BAIAP2: variants seen among roughly 807,000 people sequenced by gnomAD.
The protein encoded by BAIAP2 is BAR/IMD domain containing adaptor protein 2, also known as BAR/IMD domain-containing adapter protein 2.
Under a neutral mutation model 63.0 loss-of-function variants are expected in BAIAP2, and 18 were observed. That is an observed-to-expected ratio of 0.29 (90% CI 0.20 to 0.42). The LOEUF (loss-of-function observed/expected upper bound fraction) is 0.42, where lower values mean the gene tolerates loss of function less well. Among genes scored for constraint, BAIAP2 ranks in the 10% least tolerant of loss-of-function variants. BAIAP2 has a pLI of 1.00. For missense variants in BAIAP2, 610 were observed against 734.3 expected, an observed-to-expected ratio of 0.83 and a Z score of 1.96; for synonymous variants, 386 against 307.6, an observed-to-expected ratio of 1.25 and a Z score of -2.67.
At chr17:81,103,444 C>A in intron 7 of BAIAP2, 58 bp from the exon 8 acceptor site, 6 of 1,487,268 alleles carry the variant, frequency 4.0e-6, no homozygotes, top group Non-Finnish European at 5.4e-6. Flanking sequence ...AGCGCTGTGC[C>A]TGGCTGCAGG....
chr17:81,081,007 G>A (rs1276446629), intron 3 of BAIAP2, among the ~76,000 whole-genome samples: 1 of 152,218 alleles, frequency 6.6e-6, no homozygotes, highest in East Asian at 1.9e-4. Context: ...ACACTCCGGG[G>A]CTGAGGGAGC....
chr17:81,085,780 C>A, intron 5 of BAIAP2, 55 bp downstream of exon 5: 1 of 1,390,640 alleles, frequency 7.2e-7, no homozygotes, highest in Non-Finnish European at 1.0e-6. Context: ...CCGGCTCTCC[C>A]AAATGCCTGC....
intron 13 of BAIAP2, chr17:81,111,062 A>G (rs1598849706): frequency 5.0e-6 from 7 of 1,406,598 alleles, no homozygotes; most frequent in East Asian, 2.3e-5. Flanking sequence ...GCCCGGCTGC[A>G]TGGCGGGGCC....
rs111487181 is a variant in BAIAP2, at chr17:81,099,883, C to T, written c.490-45C>T. The T allele has an allele frequency of 4.7e-3, 7,432 of 1,597,862 alleles. 33 individuals are homozygous for T. The highest frequency in any genetic ancestry group is 5.8e-3 in the Non-Finnish European group (6,768 of 1,169,454). On this transcript the variant is annotated intron_variant, in intron 6 of 13. Transcript: ENST00000428708. Reference sequence around the variant, plus strand: ...GCTGCCCCAAACCGGTCCTGACAGGCGTCCTTCCATCGCTGGCTGAGCCTT... The same window carrying T: ...GCTGCCCCAAACCGGTCCTGACAGGTGTCCTTCCATCGCTGGCTGAGCCTT...
At chr17:81,071,948 C>CT (rs1454515371) in intron 3 of BAIAP2, among the ~76,000 whole-genome samples, 15 of 152,266 alleles carry the variant, frequency 9.9e-5, no homozygotes, top group African/African-American at 3.6e-4. Context: ...GTTCCATTTC[C>CT]TTGCTGCCTC....
At chr17:81,069,478 C>T (rs923315722) in intron 3 of BAIAP2, among the ~76,000 whole-genome samples, 1 of 152,130 alleles carries the variant, frequency 6.6e-6, no homozygotes, top group Non-Finnish European at 1.5e-5. Context: ...CTGAACTGCC[C>T]ACCTGGCTTC....
At chr17:81,045,951 C>T (rs2047740372) in intron 1 of BAIAP2, among the ~76,000 whole-genome samples, 1 of 152,192 alleles carries the variant, frequency 6.6e-6, no homozygotes, top group Non-Finnish European at 1.5e-5. Context: ...GAGGTGCCTG[C>T]TTCCTGACAC....
At chr17:81,096,966 AAGGAGAAAGGAGAGGAGGAGGAGG>A (rs893047695) in intron 6 of BAIAP2, among the ~76,000 whole-genome samples, 6 of 151,952 alleles carry the variant, frequency 3.9e-5, no homozygotes, top group Admixed American at 1.3e-4. Flanking sequence ...GGAGGAGAAG[AAGGAGAAAGGAGAGGAGGAGGAGG>A]AGGAGGCAGC....
chr17:81,073,043 C>A (rs1279482485), intron 3 of BAIAP2, among the ~76,000 whole-genome samples: 3 of 152,054 alleles, frequency 2.0e-5, no homozygotes, highest in Non-Finnish European at 4.4e-5. Context: ...TGACCCCCAG[C>A]CAGCAGACAG....
chr17:81,081,947 G>A (rs547306991), intron 3 of BAIAP2, among the ~76,000 whole-genome samples: 4 of 152,280 alleles, frequency 2.6e-5, no homozygotes, highest in South Asian at 2.1e-4. Context: ...AGGCCCCTGG[G>A]CCAGGGCTGG....
chr17:81,050,551 A>G (rs558149470), intron 1 of BAIAP2, among the ~76,000 whole-genome samples: 68 of 152,190 alleles, frequency 4.5e-4, no homozygotes, highest in Non-Finnish European at 7.6e-4. Context: ...GCTCAGGTTG[A>G]GCCTCTTCCA....
rs560239200 is a variant in BAIAP2 at position 81,056,125 on chromosome 17, C to T, written c.131-1756C>T. ...GAAATGTTGACGCTGGAGAGAGGCT[C>T]CCGAATCAGAGTAGGAAGGCTGAGG... On this transcript the variant is annotated intron_variant, in intron 2 of 13. Coordinates refer to ENST00000428708, the MANE Select transcript of BAIAP2 (RefSeq NM_001144888.2). Among the ~76,000 whole-genome samples the T allele has an allele frequency of 1.9e-4, 29 of 152,238 alleles. No individual in the cohort carries two copies. In the South Asian group the frequency reaches 5.6e-3, roughly 29 times the overall value.
intron 10 of BAIAP2, 120 bp from the exon 11 acceptor site, chr17:81,105,958 T>C: frequency 1.2e-6 from 1 of 821,672 alleles, no homozygotes; most frequent in Non-Finnish European, 2.0e-6. Context: ...TCTCTGTTGC[T>C]CCAGAGACAG....
intron 1 of BAIAP2, among the ~76,000 whole-genome samples, chr17:81,048,408 C>T (rs2048157609): frequency 6.6e-6 from 1 of 151,866 alleles, no homozygotes; most frequent in Non-Finnish European, 1.5e-5. Context: ...GAAGGTGGAC[C>T]CCAGCACGGC....
Position 81,095,391 on chromosome 17 carries a change from C to T in BAIAP2, c.490-4537C>T, listed in dbSNP as rs532123545. On this transcript the variant is annotated intron_variant, in intron 6 of 13. Transcript: ENST00000428708. ...GGCCGGGCCCTGCAGTGCTGGCCGC[C>T]ACCTCCTCTCCTCCCCGTCCCCGCA... is the stretch of plus-strand genomic sequence containing the variant. Among the ~76,000 whole-genome samples the T allele has an allele frequency of 7.9e-5, 12 of 152,308 alleles. No homozygotes were observed. The East Asian group carries it at 2.1e-3, about 27-fold the overall frequency.
chr17:81,114,424 C>T (rs994745901), intron 13 of BAIAP2, among the ~76,000 whole-genome samples: 3 of 152,066 alleles, frequency 2.0e-5, no homozygotes, highest in Non-Finnish European at 2.9e-5. Context: ...TCCTCACCAG[C>T]GGGCCCCTAG....
At chr17:81,044,194 C>A (rs770770093) in intron 1 of BAIAP2, among the ~76,000 whole-genome samples, 1 of 152,226 alleles carries the variant, frequency 6.6e-6, no homozygotes, top group Non-Finnish European at 1.5e-5. Context: ...TGCTCAGCCA[C>A]GGTTGCTCCT....
At chr17:81,048,562 G>A (rs986050516) in intron 1 of BAIAP2, among the ~76,000 whole-genome samples, 5 of 152,132 alleles carry the variant, frequency 3.3e-5, no homozygotes, top group African/African-American at 7.2e-5. Flanking sequence ...TGGCCAGGCC[G>A]GCCCGTAGCA....
chr17:81,109,376 A>T (rs1020591049), intron 13 of BAIAP2: 33 of 206,898 alleles, frequency 1.6e-4, no homozygotes, highest in Non-Finnish European at 1.8e-4. Flanking sequence ...AAATCTTAAA[A>T]AAAAAAAAAA....
Sources: gnomAD v4.1 joint callset for allele counts (sites outside exome capture counted in the v4.1 genomes callset) on GRCh38, gnomAD v4.1.1 for gene constraint, MANE v1.5 for transcripts, NCBI Gene and HGNC (gene_info 2026-07-23, HGNC 2026-07-21) for gene names.